The following CAPN9 variants were observed in gnomAD, a reference collection of about 807,000 sequenced individuals.
CAPN9 encodes the protein calpain-9.
A neutral mutation model predicts 92.8 loss-of-function variants in CAPN9; 81 were observed. That is an observed-to-expected ratio of 0.87 (90% CI 0.73 to 1.05). CAPN9 has a LOEUF of 1.05. Among genes scored for constraint, CAPN9 ranks in the 50% least tolerant of loss-of-function variants. The probability of loss-of-function intolerance (pLI) is 0.00; values close to 1 mark genes in which losing one functional copy is unlikely to be tolerated. For synonymous variants in CAPN9, 304 were observed against 328.0 expected (o/e 0.93, Z 0.79); for missense variants, 848 against 866.2 (o/e 0.98, Z 0.26).
intron 1 of CAPN9, among the ~76,000 whole-genome samples, chr1:230,751,619 GA>G (rs373653042): frequency 2.1e-5 from 1 of 47,514 alleles, no homozygotes; most frequent in African/African-American, 1.1e-4. Flanking sequence ...GAGAAAGAAA[GA>G]AAGAAAGAAA....
At chr1:230,760,192 C>T (rs1665543824) in intron 3 of CAPN9, among the ~76,000 whole-genome samples, 1 of 152,076 alleles carries the variant, frequency 6.6e-6, no homozygotes. Context: ...CCAGTCTCTC[C>T]TCCACCCCTG....
intron 1 of CAPN9, among the ~76,000 whole-genome samples, chr1:230,748,246 C>T (rs1362828407): frequency 6.6e-6 from 1 of 152,188 alleles, no homozygotes; most frequent in African/African-American, 2.4e-5. Context: ...GTGAACAGTG[C>T]CCCACCTCTG....
intron 9 of CAPN9, among the ~76,000 whole-genome samples, chr1:230,779,354 A>G (rs1303797080): frequency 6.6e-6 from 1 of 152,238 alleles, no homozygotes; most frequent in Non-Finnish European, 1.5e-5. Context: ...AAGTAATGGA[A>G]AGCATGACTC....
At chr1:230,766,073 A>G (rs958603038) in intron 4 of CAPN9, among the ~76,000 whole-genome samples, 1 of 140,212 alleles carries the variant, frequency 7.1e-6, no homozygotes, top group African/African-American at 2.6e-5. Context: ...CCACTAACCA[A>G]TAGCCCCACT....
intron 19 of CAPN9, among the ~76,000 whole-genome samples, chr1:230,799,854 C>T (rs1248747376): frequency 1.3e-5 from 2 of 151,968 alleles, no homozygotes; most frequent in African/African-American, 4.8e-5. Flanking sequence ...GCTATGATCT[C>T]GCCACTGCAC....
intron 1 of CAPN9, chr1:230,752,640 C>G: frequency 2.0e-6 from 2 of 983,588 alleles, no homozygotes; most frequent in Non-Finnish European, 2.4e-6. Flanking sequence ...CATCCGGGAA[C>G]AGCCCTGCCC....
chr1:230,765,212 G>GACACACACACACACACACAC (rs56286310), intron 4 of CAPN9, among the ~76,000 whole-genome samples: 4 of 132,038 alleles, frequency 3.0e-5, no homozygotes, highest in Non-Finnish European at 6.4e-5. Flanking sequence ...ACACATGCAA[G>GACACACACACACACACACAC]ACACACACAC....
chr1:230,762,610 T>G, intron 3 of CAPN9, 43 bp from the exon 4 acceptor site: 7 of 1,606,744 alleles, frequency 4.4e-6, no homozygotes, highest in Non-Finnish European at 6.0e-6. Flanking sequence ...GGAGCTCCCA[T>G]GTAGCTGACT....
chr1:230,762,066 C>T (rs1012399658), intron 3 of CAPN9, among the ~76,000 whole-genome samples: 13 of 152,176 alleles, frequency 8.5e-5, no homozygotes, highest in Admixed American at 2.0e-4. Flanking sequence ...CACATGTGTG[C>T]GCACATGCAT....
At chr1:230,752,965 A>C (rs547344626) in intron 1 of CAPN9, among the ~76,000 whole-genome samples, 1 of 152,140 alleles carries the variant, frequency 6.6e-6, no homozygotes, top group African/African-American at 2.4e-5. Context: ...AGGCCCACTG[A>C]CATGGTCCTG....
At chr1:230,799,873 G>C (rs1399053887) in intron 19 of CAPN9, among the ~76,000 whole-genome samples, 3 of 152,122 alleles carry the variant, frequency 2.0e-5, no homozygotes, top group African/African-American at 7.2e-5. Flanking sequence ...ACTCCAGCCT[G>C]GAAGAGAGTG....
chr1:230,756,189 G>A (rs1665216456), intron 2 of CAPN9, among the ~76,000 whole-genome samples: 1 of 152,054 alleles, frequency 6.6e-6, no homozygotes, highest in South Asian at 2.1e-4. Flanking sequence ...GTGGTCTATT[G>A]GTTAAGAAAG....
intron 8 of CAPN9, among the ~76,000 whole-genome samples, chr1:230,775,479 A>G (rs980435374): frequency 6.6e-6 from 1 of 152,154 alleles, no homozygotes; most frequent in Admixed American, 6.5e-5. Context: ...AATCTTTTTC[A>G]GTCTTATTTC....
intron 13 of CAPN9, 35 bp downstream of exon 13, chr1:230,787,637 C>CCCTCAGCCTGG: frequency 1.3e-6 from 2 of 1,576,066 alleles, no homozygotes; most frequent in African/African-American, 1.3e-5. Flanking sequence ...CCCCACCAGG[C>CCCTCAGCCTGG]TGAGGGCCTG....
chr1:230,777,488 T>C lies in CAPN9; in HGVS notation c.954-1485T>C, dbSNP rs571621408. On this transcript the variant is annotated intron_variant, in intron 8 of 19. Transcript: ENST00000271971. ...TCTCTTCTCTCCCCTTACGTATGAA[T>C]TCCCCCCTTCTTCTGAATCATTCCC... is the stretch of plus-strand genomic sequence containing the variant. 2.6e-5 allele frequency among the ~76,000 whole-genome samples: 4 copies of C among 151,826 alleles called. No homozygotes were observed. In the East Asian group the frequency reaches 5.8e-4, roughly 22 times the overall value.
rs529256506 is a variant in CAPN9 at position 230,801,078 on chromosome 1, G to A, written c.2047-492G>A. On this transcript the variant is annotated intron_variant, in intron 19 of 19. Transcript: ENST00000271971. ...CAAGCTGTTGGGAAGGAGGAGGCAGGGTGGACTCGGGAGAGAAAATGAGGA... is the reference window on the plus strand; with the variant it reads ...CAAGCTGTTGGGAAGGAGGAGGCAGAGTGGACTCGGGAGAGAAAATGAGGA... 3.3e-5 allele frequency among the ~76,000 whole-genome samples: 5 copies of A among 152,250 alleles called. No homozygotes were observed. The South Asian group carries it at 1.0e-3, about 32-fold the overall frequency.
chr1:230,769,666 T>TATCTATCTATCTATC (rs1553259391), intron 6 of CAPN9, among the ~76,000 whole-genome samples: 116 of 118,416 alleles, frequency 9.8e-4, no homozygotes, highest in Admixed American at 1.9e-3. Context: ...TCTATCTATC[T>TATCTATCTATCTATC]ATCTATCTAT....
At chr1:230,800,307 G>GA (rs1668647892) in intron 19 of CAPN9, among the ~76,000 whole-genome samples, 6 of 50,632 alleles carry the variant, frequency 1.2e-4, no homozygotes, top group South Asian at 7.0e-4. Context: ...AGAAAGAAAG[G>GA]AAAAACAAGA....
intron 3 of CAPN9, among the ~76,000 whole-genome samples, chr1:230,761,567 C>CACACACACAA (rs1255005706): frequency 3.9e-5 from 6 of 152,000 alleles, no homozygotes; most frequent in African/African-American, 1.4e-4. Flanking sequence ...CACACACACA[C>CACACACACAA]ACACAGACAC....
Sources: allele counts gnomAD v4.1 joint callset (sites outside exome capture counted in the v4.1 genomes callset), GRCh38; gene constraint gnomAD v4.1.1; transcripts MANE v1.5; gene names NCBI Gene and HGNC (gene_info 2026-07-23, HGNC 2026-07-21).